HPSE2: variants seen among roughly 807,000 people sequenced by gnomAD.
HPSE2 encodes the protein inactive heparanase-2.
In HPSE2, 38 loss-of-function variants were observed where a neutral mutation model predicts 60.5. The observed-to-expected ratio is 0.63, with a 90% CI of 0.48 to 0.82. HPSE2 has a LOEUF of 0.82. Among genes scored for constraint, HPSE2 ranks in the 40% least tolerant of loss-of-function variants. The probability of loss-of-function intolerance (pLI) is 0.00; values close to 1 mark genes in which losing one functional copy is unlikely to be tolerated. For synonymous variants in HPSE2, 295 were observed against 293.2 expected (o/e 1.01, Z -0.06); for missense variants, 713 against 740.4 (o/e 0.96, Z 0.43).
At chr10:99,244,369 T>TA in the HPSE2 span, among the ~76,000 whole-genome samples, 1 of 134,022 alleles carries the variant, frequency 7.5e-6, no homozygotes, top group African/African-American at 2.8e-5. Context: ...TTGACCTTTT[T>TA]ATTTTTATTT....
intron 7 of HPSE2, among the ~76,000 whole-genome samples, chr10:98,633,290 C>G (rs184220552): frequency 8.5e-4 from 129 of 152,262 alleles, no homozygotes; most frequent in Admixed American, 1.3e-3. Context: ...CCTCAACCTC[C>G]CTGGGCTCAA....
chr10:98,545,093 G>C (rs1943621162), intron 9 of HPSE2, among the ~76,000 whole-genome samples: 1 of 152,206 alleles, frequency 6.6e-6, no homozygotes, highest in Non-Finnish European at 1.5e-5. Flanking sequence ...ACTCTGCCAA[G>C]AGTAAACCAG....
intron 3 of HPSE2, among the ~76,000 whole-genome samples, chr10:98,988,117 CT>C (rs1956418133): frequency 6.6e-6 from 1 of 152,206 alleles, no homozygotes; most frequent in South Asian, 2.1e-4. Flanking sequence ...CTACCAATGA[CT>C]TTCTTCACAG....
chr10:98,925,012 A>G (rs1954407660), intron 3 of HPSE2, among the ~76,000 whole-genome samples: 1 of 152,160 alleles, frequency 6.6e-6, no homozygotes, highest in African/African-American at 2.4e-5. Context: ...CACTGAGTTC[A>G]ATGTAAAGTC....
chr10:99,213,148 C>A (rs757611490), intron 2 of HPSE2, among the ~76,000 whole-genome samples: 31 of 152,148 alleles, frequency 2.0e-4, no homozygotes, highest in Non-Finnish European at 3.4e-4. Flanking sequence ...AAGAAACATT[C>A]TCTTACAGAA....
chr10:99,116,401 C>CA (rs902714124), intron 3 of HPSE2, among the ~76,000 whole-genome samples: 9 of 152,074 alleles, frequency 5.9e-5, no homozygotes, highest in African/African-American at 2.2e-4. Flanking sequence ...TATTCAAATA[C>CA]AAAAAAACCC....
intron 3 of HPSE2, among the ~76,000 whole-genome samples, chr10:98,950,243 G>C (rs1955314652): frequency 6.6e-6 from 1 of 152,108 alleles, no homozygotes; most frequent in African/African-American, 2.4e-5. Flanking sequence ...CCTATATGAA[G>C]TGATAACCCG....
intron 3 of HPSE2, among the ~76,000 whole-genome samples, chr10:98,943,382 T>A (rs1476063828): frequency 6.6e-6 from 1 of 152,088 alleles, no homozygotes; most frequent in Non-Finnish European, 1.5e-5. Flanking sequence ...ATAAATATAT[T>A]ACCTATTAAA....
intron 3 of HPSE2, among the ~76,000 whole-genome samples, chr10:98,792,407 G>A (rs1190663748): frequency 6.6e-6 from 1 of 152,100 alleles, no homozygotes; most frequent in Non-Finnish European, 1.5e-5. Flanking sequence ...AGAAAAAGGT[G>A]GAGGGGCTTC....
chr10:99,129,903 G>A (rs1845315170), intron 3 of HPSE2, among the ~76,000 whole-genome samples: 1 of 151,426 alleles, frequency 6.6e-6, no homozygotes, highest in Non-Finnish European at 1.5e-5. Context: ...AAGAAAAGAA[G>A]AGAGAAGATC....
intron 9 of HPSE2, among the ~76,000 whole-genome samples, chr10:98,515,456 A>G (rs1942571850): frequency 6.6e-6 from 1 of 152,342 alleles, no homozygotes; most frequent in South Asian, 2.1e-4. Context: ...CCAACTATGG[A>G]TACTTTGTAG....
chr10:98,761,481 A>C (rs1169952180), intron 3 of HPSE2, among the ~76,000 whole-genome samples: 2 of 151,928 alleles, frequency 1.3e-5, no homozygotes, highest in South Asian at 2.1e-4. Flanking sequence ...GTTCATTAAG[A>C]TCTTTCTTTT....
chr10:99,104,203 C>T (rs1589662818), intron 3 of HPSE2, among the ~76,000 whole-genome samples: 2 of 152,280 alleles, frequency 1.3e-5, no homozygotes, highest in African/African-American at 4.8e-5. Context: ...AGGCAACCTA[C>T]AGAATGGGAG....
intron 3 of HPSE2, among the ~76,000 whole-genome samples, chr10:98,779,279 T>C (rs116779182): frequency 0.013 from 2,042 of 152,214 alleles, 40 homozygotes; most frequent in African/African-American, 0.046. Flanking sequence ...AATAATACTT[T>C]TAAATCACTC....
At chr10:98,932,669 G>A (rs1391109155) in intron 3 of HPSE2, among the ~76,000 whole-genome samples, 1 of 139,902 alleles carries the variant, frequency 7.1e-6, no homozygotes, top group East Asian at 2.0e-4. Flanking sequence ...TTATTGGTCT[G>A]TTCAGGAATT....
intron 3 of HPSE2, among the ~76,000 whole-genome samples, chr10:99,094,587 TTCTC>T (rs928303121): frequency 7.8e-6 from 1 of 128,796 alleles, no homozygotes; most frequent in African/African-American, 2.8e-5. Flanking sequence ...GACAGAGTCT[TTCTC>T]TGTGGCCCAG....
chr10:99,277,292 C>G, the HPSE2 span, among the ~76,000 whole-genome samples: 1 of 152,222 alleles, frequency 6.6e-6, no homozygotes, highest in Non-Finnish European at 1.5e-5. Context: ...CTCATTAATT[C>G]TCCTGGGATG....
At chr10:99,152,572 T>C (rs1006434019) in intron 2 of HPSE2, among the ~76,000 whole-genome samples, 1 of 152,192 alleles carries the variant, frequency 6.6e-6, no homozygotes, top group African/African-American at 2.4e-5. Flanking sequence ...GTAATAGTAA[T>C]ACACAGAACA....
intron 3 of HPSE2, among the ~76,000 whole-genome samples, chr10:98,805,327 A>G (rs1951017609): frequency 6.6e-6 from 1 of 152,214 alleles, no homozygotes; most frequent in African/African-American, 2.4e-5. Flanking sequence ...TTCAAAAAAT[A>G]GAAAGAATGA....
Sources: allele counts gnomAD v4.1 joint callset (sites outside exome capture counted in the v4.1 genomes callset), GRCh38; gene constraint gnomAD v4.1.1; transcripts MANE v1.5; gene names NCBI Gene and HGNC (gene_info 2026-07-23, HGNC 2026-07-21).